MACROD2: variants seen among roughly 807,000 people sequenced by gnomAD.
MACROD2 encodes ADP-ribose glycohydrolase MACROD2.
In MACROD2, 36 loss-of-function variants were observed where a neutral mutation model predicts 70.4. The observed-to-expected ratio is 0.51, with a 90% CI of 0.39 to 0.68. MACROD2 has a LOEUF of 0.68. Ranked by LOEUF, MACROD2 falls within the 30% of genes least tolerant of loss-of-function variation. The probability of loss-of-function intolerance (pLI) is 0.00; values close to 1 mark genes in which losing one functional copy is unlikely to be tolerated. For synonymous variants in MACROD2, 172 were observed against 178.8 expected (o/e 0.96, Z 0.30); for missense variants, 496 against 538.4 (o/e 0.92, Z 0.78).
At chr20:14,038,305 A>T (rs1214446363) in intron 2 of MACROD2, among the ~76,000 whole-genome samples, 1 of 152,108 alleles carries the variant, frequency 6.6e-6, no homozygotes, top group Non-Finnish European at 1.5e-5. Context: ...CAAAAAAAAA[A>T]AAAGATTCTG....
In MACROD2 at chr20:14,065,720, G is replaced by C. The variant is rs12480055; in HGVS notation, c.164-19901G>C. Among the ~76,000 whole-genome samples, 264 of 152,326 alleles carry C rather than the reference G, an allele frequency of 1.7e-3. 1 individual carries two copies. Among genetic ancestry groups the C allele is most frequent in the Admixed American group, 0.016 (248 of 15,308 alleles). On this transcript the variant is annotated intron_variant, in intron 2 of 17. Transcript: ENST00000684519. ...GGCCTAGAAGGGTTATATTTGACCA[G>C]TACCACAGAGCTAGTAAGCGACAGA...
At chr20:15,355,820 A>G (rs2078280583) in intron 6 of MACROD2, among the ~76,000 whole-genome samples, 3 of 152,206 alleles carry the variant, frequency 2.0e-5, no homozygotes, top group South Asian at 4.1e-4. Context: ...CTATTATACC[A>G]CAAGTCCCTT....
At chr20:14,574,004 T>TG (rs941212465) in intron 4 of MACROD2, among the ~76,000 whole-genome samples, 4 of 152,272 alleles carry the variant, frequency 2.6e-5, no homozygotes, top group African/African-American at 9.6e-5. Context: ...TTTGAGCACA[T>TG]GAAGTAGTAG....
chr20:14,785,599 A>G (rs1303588283), intron 5 of MACROD2, among the ~76,000 whole-genome samples: 1 of 152,060 alleles, frequency 6.6e-6, no homozygotes, highest in Non-Finnish European at 1.5e-5. Flanking sequence ...CCCAGCCCAA[A>G]CAATGATACA....
intron 5 of MACROD2, among the ~76,000 whole-genome samples, chr20:14,839,034 G>A (rs951533674): frequency 6.6e-6 from 1 of 152,018 alleles, no homozygotes; most frequent in African/African-American, 2.4e-5. Flanking sequence ...CCCATCTCCT[G>A]GCCTAATGAC....
At chr20:14,842,744 A>G (rs146898198) in intron 5 of MACROD2, among the ~76,000 whole-genome samples, 117 of 152,090 alleles carry the variant, frequency 7.7e-4, no homozygotes, top group African/African-American at 2.6e-3. Context: ...TTGGTTTTGG[A>G]TTAATGTTTT....
intron 7 of MACROD2, among the ~76,000 whole-genome samples, chr20:15,477,545 A>G (rs1026381012): frequency 1.3e-5 from 2 of 152,100 alleles, no homozygotes; most frequent in African/African-American, 4.8e-5. Flanking sequence ...CTGAGAGGCA[A>G]TCCCTCTCAG....
chr20:15,569,917 T>C (rs2048355390), intron 8 of MACROD2, among the ~76,000 whole-genome samples: 1 of 152,180 alleles, frequency 6.6e-6, no homozygotes, highest in African/African-American at 2.4e-5. Context: ...ATTCCATATC[T>C]TGGGTATAGT....
chr20:15,007,437 A>G (rs564327064), intron 5 of MACROD2, among the ~76,000 whole-genome samples: 3 of 152,228 alleles, frequency 2.0e-5, no homozygotes, highest in Non-Finnish European at 4.4e-5. Flanking sequence ...CATACATTAT[A>G]TACTCTCTTG....
intron 8 of MACROD2, among the ~76,000 whole-genome samples, chr20:15,786,865 T>C (rs1195503512): frequency 6.6e-6 from 1 of 152,252 alleles, no homozygotes; most frequent in Non-Finnish European, 1.5e-5. Context: ...AAAATAATCA[T>C]ATAACTATCA....
At position 15,760,223 on chromosome 20, in the gene MACROD2, G is replaced by C. The variant is rs548036512; in HGVS notation, c.646-102522G>C. On this transcript the variant is annotated intron_variant, in intron 8 of 17. Coordinates refer to ENST00000684519, the MANE Select transcript of MACROD2 (RefSeq NM_001351661.2). ...TCACGAAAATGACCCAGAGCTGCTC[G>C]CTGAAGCTGGAGAAACCAAAGGCTT... Among the ~76,000 whole-genome samples, 5 of 152,184 alleles carry C rather than the reference G, an allele frequency of 3.3e-5. No homozygotes were observed. The East Asian group carries it at 5.8e-4, about 18-fold the overall frequency.
intron 12 of MACROD2, among the ~76,000 whole-genome samples, chr20:15,967,275 T>C (rs574663431): frequency 2.4e-4 from 36 of 152,262 alleles, no homozygotes; most frequent in African/African-American, 8.2e-4. Context: ...TCTAAGACTT[T>C]CCCTGATGCA....
chr20:15,156,186 G>A (rs1019391593), intron 5 of MACROD2, among the ~76,000 whole-genome samples: 3 of 152,130 alleles, frequency 2.0e-5, no homozygotes, highest in African/African-American at 7.2e-5. Context: ...GGATGTGAAG[G>A]ATTAGGCAAG....
At chr20:15,543,020 A>G (rs1398752549) in intron 8 of MACROD2, among the ~76,000 whole-genome samples, 1 of 152,222 alleles carries the variant, frequency 6.6e-6, no homozygotes, top group Non-Finnish European at 1.5e-5. Context: ...GTCAAGCAGC[A>G]AATTATGATA....
intron 5 of MACROD2, among the ~76,000 whole-genome samples, chr20:14,735,849 A>AAAAT (rs2071657847): frequency 6.6e-6 from 1 of 152,088 alleles, no homozygotes; most frequent in African/African-American, 2.4e-5. Flanking sequence ...ACTCGGACTC[A>AAAAT]AAATAAATAA....
At chr20:15,208,589 A>G (rs2076731870) in intron 5 of MACROD2, among the ~76,000 whole-genome samples, 1 of 152,184 alleles carries the variant, frequency 6.6e-6, no homozygotes, top group Admixed American at 6.5e-5. Flanking sequence ...ATTCTGCCTC[A>G]TTACAACTGC....
chr20:16,026,832 G>A (rs931791432), intron 15 of MACROD2, among the ~76,000 whole-genome samples: 1 of 152,128 alleles, frequency 6.6e-6, no homozygotes, highest in Non-Finnish European at 1.5e-5. Context: ...TTCGGCAAAG[G>A]TAACATCAAC....
At chr20:14,506,665 T>C (rs2084972554) in intron 4 of MACROD2, among the ~76,000 whole-genome samples, 1 of 152,144 alleles carries the variant, frequency 6.6e-6, no homozygotes, top group Admixed American at 6.5e-5. Flanking sequence ...AATAATCATG[T>C]TCTGGCCAGG....
At chr20:15,627,978 T>C (rs2049230973) in intron 8 of MACROD2, among the ~76,000 whole-genome samples, 1 of 152,194 alleles carries the variant, frequency 6.6e-6, no homozygotes, top group African/African-American at 2.4e-5. Flanking sequence ...TCAGTTTTAG[T>C]ACCTCTGTGA....
Sources: gnomAD v4.1 joint callset for allele counts (sites outside exome capture counted in the v4.1 genomes callset) on GRCh38, gnomAD v4.1.1 for gene constraint, MANE v1.5 for transcripts, NCBI Gene and HGNC (gene_info 2026-07-23, HGNC 2026-07-21) for gene names.